DMD: variants seen among roughly 807,000 people sequenced by gnomAD.
The protein encoded by DMD is mutant dystrophin.
DMD carries 63 observed loss-of-function variants against 330.1 expected under a neutral mutation model. The observed-to-expected ratio is 0.19, with a 90% CI of 0.16 to 0.24. The LOEUF (loss-of-function observed/expected upper bound fraction) is 0.24. Among genes scored for constraint, DMD ranks in the 10% least tolerant of loss-of-function variants. DMD has a pLI of 1.00. For missense variants in DMD, 3,344 were observed against 2,684.1 expected (o/e 1.25, Z -5.43); for synonymous variants, 1,223 against 959.8 (o/e 1.27, Z -5.07).
intron 47 of DMD, among the ~76,000 whole-genome samples, chrX:31,913,759 C>CA (rs2094574833): frequency 9.3e-6 from 1 of 107,244 alleles, no homozygotes; most frequent in South Asian, 3.9e-4. Context: ...CAAAACAAAA[C>CA]AAAACAAAAA....
At chrX:32,847,928 ACAT>A (rs2149002944) in intron 3 of DMD, among the ~76,000 whole-genome samples, 1 of 112,485 alleles carries the variant, frequency 8.9e-6, no homozygotes, top group South Asian at 3.7e-4. Context: ...TAGTGTGCCA[ACAT>A]CATAAGTTTA....
At chrX:32,516,787 G>A (rs1247977131) in intron 18 of DMD, 1 of 111,099 alleles carries the variant, frequency 9.0e-6, no homozygotes, top group African/African-American at 3.3e-5. Context: ...AAGTATACTT[G>A]AAAAAAGACA....
chrX:31,606,153 C>T (rs1185029926), intron 55 of DMD, among the ~76,000 whole-genome samples: 1 of 111,413 alleles, frequency 9.0e-6, no homozygotes, highest in Non-Finnish European at 1.9e-5. Context: ...TTCCTGCGGC[C>T]TTGTGAAGAA....
At chrX:31,266,159 C>CAAAA (rs1174153877) in intron 62 of DMD, among the ~76,000 whole-genome samples, 3 of 13,321 alleles carry the variant, frequency 2.3e-4, no homozygotes, top group Non-Finnish European at 3.6e-4. Flanking sequence ...TCCCGAAGGG[C>CAAAA]AAAAAAAAAA....
At chrX:33,255,834 T>C (rs373229097) in intron 1 of DMD, among the ~76,000 whole-genome samples, 98 of 111,782 alleles carry the variant, frequency 8.8e-4, no homozygotes, top group Non-Finnish European at 1.4e-3. Flanking sequence ...AATATCACAT[T>C]CTCTATTAGT....
chrX:31,850,648 G>T (rs2093507369), intron 48 of DMD, among the ~76,000 whole-genome samples: 1 of 112,435 alleles, frequency 8.9e-6, no homozygotes, highest in African/African-American at 3.2e-5. Flanking sequence ...GTCCTGGGAT[G>T]AGAAGACATT....
At chrX:32,482,609 A>C (rs766923750) in intron 21 of DMD, among the ~76,000 whole-genome samples, 22 of 111,543 alleles carry the variant, frequency 2.0e-4, no homozygotes, top group African/African-American at 7.1e-4. Flanking sequence ...GTTGTTATGG[A>C]CATTCGTGTA....
chrX:32,872,677 A>T (rs1569537327), intron 2 of DMD, among the ~76,000 whole-genome samples: 1 of 112,287 alleles, frequency 8.9e-6, no homozygotes, highest in African/African-American at 3.2e-5. Context: ...AAAAGGGAAG[A>T]ATTACAGATA....
chrX:32,473,696 T>G (rs763828624), intron 21 of DMD, among the ~76,000 whole-genome samples: 2 of 111,670 alleles, frequency 1.8e-5, no homozygotes, highest in African/African-American at 6.5e-5. Flanking sequence ...ATATTGCATT[T>G]ATTTGGGAAC....
intron 43 of DMD, among the ~76,000 whole-genome samples, chrX:32,259,254 G>A (rs1385814844): frequency 1.8e-5 from 2 of 110,139 alleles, no homozygotes; most frequent in Non-Finnish European, 3.8e-5. Context: ...AATCTGTCTA[G>A]CCATATCATA....
At chrX:32,174,778 G>C in intron 44 of DMD, among the ~76,000 whole-genome samples, 1 of 109,652 alleles carries the variant, frequency 9.1e-6, no homozygotes, top group Non-Finnish European at 1.9e-5. Context: ...CCTGGAAGGA[G>C]CTTCCAATTT....
At chrX:31,749,357 T>G (rs774346857) in intron 51 of DMD, among the ~76,000 whole-genome samples, 1 of 93,225 alleles carries the variant, frequency 1.1e-5, no homozygotes, top group African/African-American at 4.0e-5. Flanking sequence ...TGTGTTCTCA[T>G]TGTTCAATTC....
In DMD at chrX:31,729,513, C is replaced by T. The variant is rs1279892069; in HGVS notation, c.7660+118G>A. On this transcript the variant is annotated intron_variant, in intron 52 of 78. Coordinates refer to ENST00000357033, the MANE Select transcript of DMD (RefSeq NM_004006.3). The stretch of plus-strand genomic sequence containing the variant: ...CTGAAAATCTCAGCACAATTGTTAT[C>T]ATTTACAATTATTTCACATTATTTT... The T allele has an allele frequency of 5.0e-6, 3 of 601,973 alleles. No homozygotes were observed. In the African/African-American group the frequency reaches 6.6e-5, roughly 13 times the overall value. The allele number at this position is 601,973 out of a possible 1,213,427, so 49.6% of individuals were successfully genotyped here.
chrX:33,080,231 A>G (rs749875687), intron 1 of DMD, among the ~76,000 whole-genome samples: 1 of 112,051 alleles, frequency 8.9e-6, no homozygotes, highest in South Asian at 3.7e-4. Flanking sequence ...AACCTATAGA[A>G]AAAGCTAAAT....
intron 72 of DMD, among the ~76,000 whole-genome samples, chrX:31,172,719 AC>A (rs2040121087): frequency 9.0e-6 from 1 of 111,659 alleles, no homozygotes; most frequent in Non-Finnish European, 1.9e-5. Context: ...AGCTTCCCTA[AC>A]AATAAGTGCA....
chrX:33,281,210 A>ATTTT (rs139177044), intron 1 of DMD, among the ~76,000 whole-genome samples: 28 of 92,070 alleles, frequency 3.0e-4, no homozygotes, highest in African/African-American at 1.1e-3. Context: ...ATGCTATTGC[A>ATTTT]TTTTTTTTTT....
intron 62 of DMD, among the ~76,000 whole-genome samples, chrX:31,312,976 A>G (rs1338229896): frequency 1.1e-4 from 12 of 109,180 alleles, no homozygotes; most frequent in African/African-American, 4.0e-4. Context: ...GAAGGGAGGG[A>G]ACTTAGACGA....
intron 12 of DMD, among the ~76,000 whole-genome samples, chrX:32,603,980 T>G (rs945249977): frequency 1.4e-4 from 15 of 110,678 alleles, no homozygotes; most frequent in African/African-American, 4.9e-4. Context: ...CAAGAGGAAA[T>G]TCTCCCTAAT....
chrX:31,818,844 G>A (rs1295042528), intron 50 of DMD, among the ~76,000 whole-genome samples: 2 of 110,543 alleles, frequency 1.8e-5, no homozygotes, highest in African/African-American at 6.6e-5. Context: ...ACTGTCCCCA[G>A]ATTGTAGGGC....
Sources: allele counts gnomAD v4.1 joint callset (sites outside exome capture counted in the v4.1 genomes callset), GRCh38; gene constraint gnomAD v4.1.1; transcripts MANE v1.5; gene names NCBI Gene and HGNC (gene_info 2026-07-23, HGNC 2026-07-21).